Variants in CNTN3 observed in about 807,000 individuals in gnomAD.
CNTN3 encodes contactin-3.
Under a neutral mutation model 119.1 loss-of-function variants are expected in CNTN3, and 60 were observed. The observed-to-expected ratio is 0.50, with a 90% CI of 0.41 to 0.62. The LOEUF (loss-of-function observed/expected upper bound fraction) is 0.62, where lower values mean the gene tolerates loss of function less well. Among genes scored for constraint, CNTN3 ranks in the 20% least tolerant of loss-of-function variants. The pLI is 0.00. For synonymous variants in CNTN3, 450 were observed against 438.7 expected, an observed-to-expected ratio of 1.03 and a Z score of -0.32; for missense variants, 1,101 against 1,242.4, an observed-to-expected ratio of 0.89 and a Z score of 1.71.
chr3:74,553,484 A>C (rs916290915), intron 1 of CNTN3, among the ~76,000 whole-genome samples: 1 of 152,160 alleles, frequency 6.6e-6, no homozygotes, highest in Non-Finnish European at 1.5e-5. Context: ...TGGTATTTCT[A>C]GTTCTAGATC....
chr3:74,377,415 C>T (rs1394135893), intron 5 of CNTN3, among the ~76,000 whole-genome samples: 2 of 152,074 alleles, frequency 1.3e-5, no homozygotes, highest in East Asian at 3.9e-4. Flanking sequence ...ATTTACTTAT[C>T]ATAAAAATCT....
At chr3:74,377,273 T>C (rs1310676087) in intron 5 of CNTN3, among the ~76,000 whole-genome samples, 2 of 152,234 alleles carry the variant, frequency 1.3e-5, no homozygotes, top group Non-Finnish European at 2.9e-5. Context: ...TAACTTTTCA[T>C]TTATTGCCTC....
chr3:74,546,080 C>G (rs932822730), intron 1 of CNTN3, among the ~76,000 whole-genome samples: 7 of 152,070 alleles, frequency 4.6e-5, no homozygotes, highest in African/African-American at 1.7e-4. Flanking sequence ...ACTGCAAGCT[C>G]CGCCTCCCAG....
intron 3 of CNTN3, among the ~76,000 whole-genome samples, chr3:74,496,725 A>G (rs983115242): frequency 6.6e-6 from 1 of 152,136 alleles, no homozygotes; most frequent in Non-Finnish European, 1.5e-5. Flanking sequence ...CAGCACTATC[A>G]GCAGTTACAA....
chr3:74,575,320 C>G (rs1704396618), intron 1 of CNTN3, among the ~76,000 whole-genome samples: 1 of 152,002 alleles, frequency 6.6e-6, no homozygotes, highest in Non-Finnish European at 1.5e-5. Flanking sequence ...GGCGTGATCT[C>G]GGCTCACTGC....
chr3:74,594,653 C>T (rs867484243), intron 1 of CNTN3, among the ~76,000 whole-genome samples: 45 of 152,164 alleles, frequency 3.0e-4, no homozygotes, highest in African/African-American at 8.9e-4. Flanking sequence ...TGCATAGTAT[C>T]CCATGGTGTA....
chr3:74,339,836 G>T (rs1371128146), intron 11 of CNTN3, among the ~76,000 whole-genome samples: 1 of 151,994 alleles, frequency 6.6e-6, no homozygotes, highest in Non-Finnish European at 1.5e-5. Context: ...AATAGATTCA[G>T]AAAGTGTGCA....
chr3:74,326,651 T>TA (rs1379150225), intron 13 of CNTN3, among the ~76,000 whole-genome samples: 5 of 151,718 alleles, frequency 3.3e-5, no homozygotes, highest in Admixed American at 6.6e-5. Flanking sequence ...AGTCATTAAT[T>TA]AAAAAAAAAT....
intron 1 of CNTN3, among the ~76,000 whole-genome samples, chr3:74,528,545 A>C (rs913043212): frequency 1.3e-5 from 2 of 151,878 alleles, no homozygotes; most frequent in African/African-American, 2.4e-5. Flanking sequence ...ACAACCACTC[A>C]TGGGGATCTT....
At chr3:74,587,840 G>A (rs538068687) in intron 1 of CNTN3, among the ~76,000 whole-genome samples, 3 of 152,122 alleles carry the variant, frequency 2.0e-5, no homozygotes, top group Non-Finnish European at 4.4e-5. Flanking sequence ...TGTTGAATAG[G>A]AGGCGTGAGA....
At chr3:74,289,071 G>A (rs1214575343) in intron 19 of CNTN3, among the ~76,000 whole-genome samples, 2 of 152,136 alleles carry the variant, frequency 1.3e-5, no homozygotes, top group Non-Finnish European at 2.9e-5. Flanking sequence ...CCAAACTGGG[G>A]AAACTGCAAC....
At chr3:74,381,974 C>T (rs935639909) in intron 5 of CNTN3, among the ~76,000 whole-genome samples, 5 of 151,884 alleles carry the variant, frequency 3.3e-5, no homozygotes, top group Admixed American at 1.3e-4. Context: ...TTTGGGAGGC[C>T]GAGGCGGGTG....
intron 22 of CNTN3, among the ~76,000 whole-genome samples, chr3:74,264,961 C>CT (rs1316091875): frequency 6.6e-6 from 1 of 152,042 alleles, no homozygotes; most frequent in African/African-American, 2.4e-5. Flanking sequence ...TGATACCAGG[C>CT]TTTGTTCATC....
chr3:74,276,739 C>G lies in CNTN3; in HGVS notation c.2704+8566G>C, dbSNP rs184438071. 2.2e-4 allele frequency among the ~76,000 whole-genome samples: 34 copies of G among 152,126 alleles called. No homozygotes were observed. In the East Asian group the frequency reaches 6.2e-3, roughly 28 times the overall value. ...CCTCAAGGAACTAGAGAAACAAGAA[C>G]AGACCAAACCCAAACTCAGCAGAAG... On this transcript the variant is annotated intron_variant, in intron 20 of 22. Transcript: ENST00000263665.
intron 5 of CNTN3, among the ~76,000 whole-genome samples, chr3:74,398,748 C>T (rs1226265291): frequency 1.3e-5 from 2 of 152,134 alleles, no homozygotes; most frequent in Admixed American, 1.3e-4. Context: ...ATTAGCCAGG[C>T]CTTAAAGACA....
chr3:74,461,729 C>CA (rs1221235748), intron 4 of CNTN3, among the ~76,000 whole-genome samples: 3 of 151,838 alleles, frequency 2.0e-5, no homozygotes, highest in African/African-American at 4.8e-5. Context: ...AATGGTTTGA[C>CA]AAAAAATTGA....
At chr3:74,322,398 A>T (rs1272533244) in intron 13 of CNTN3, among the ~76,000 whole-genome samples, 1 of 152,198 alleles carries the variant, frequency 6.6e-6, no homozygotes, top group Admixed American at 6.5e-5. Flanking sequence ...ATACAAAAAT[A>T]TGTTCAACAT....
intron 1 of CNTN3, among the ~76,000 whole-genome samples, chr3:74,611,824 G>A (rs1307058442): frequency 6.6e-6 from 1 of 152,204 alleles, no homozygotes. Flanking sequence ...AAAGTACCTT[G>A]CTAAGATAAG....
At chr3:74,381,250 AAAT>A (rs1335854840) in intron 5 of CNTN3, among the ~76,000 whole-genome samples, 1 of 152,144 alleles carries the variant, frequency 6.6e-6, no homozygotes, top group Non-Finnish European at 1.5e-5. Context: ...GAATCGGTTA[AAAT>A]AATAAGTGAT....
Sources: gnomAD v4.1 joint callset for allele counts (sites outside exome capture counted in the v4.1 genomes callset) on GRCh38, gnomAD v4.1.1 for gene constraint, MANE v1.5 for transcripts, NCBI Gene and HGNC (gene_info 2026-07-23, HGNC 2026-07-21) for gene names.